RAD9A: variants seen among roughly 807,000 people sequenced by gnomAD.
RAD9A encodes RAD9 checkpoint clamp component A.
In RAD9A, 25 loss-of-function variants were observed where a neutral mutation model predicts 41.2. That is an observed-to-expected ratio of 0.61 (90% CI 0.44 to 0.85). The LOEUF (loss-of-function observed/expected upper bound fraction) is 0.85, where lower values mean the gene tolerates loss of function less well. Among genes scored for constraint, RAD9A ranks in the 40% least tolerant of loss-of-function variants. The pLI is 0.00. For synonymous variants in RAD9A, 252 were observed against 210.6 expected (o/e 1.20, Z -1.70); for missense variants, 514 against 518.3 (o/e 0.99, Z 0.08).
chr11:67,392,913 C>A, intron 3 of RAD9A, 131 bp downstream of exon 3: 1 of 1,248,686 alleles, frequency 8.0e-7, no homozygotes, highest in Non-Finnish European at 1.1e-6. Context: ...ATGCAAAACA[C>A]AGGGAGGGCC....
Position 67,398,383 on chromosome 11 carries a change from G to GAT in RAD9A, c.*825_*826dup. 1 of 761,644 alleles carries GAT rather than the reference G, an allele frequency of 1.3e-6. No individual in the cohort carries two copies. Among genetic ancestry groups the GAT allele is most frequent in the Non-Finnish European group, 2.1e-6 (1 of 480,956 alleles). 47.2% of individuals were successfully genotyped at this position (761,644 alleles called of 1,614,324 possible). A position where few individuals can be genotyped will look rare whatever the true frequency, so the allele number is the denominator to read the frequency against. ...CCCTGGGGGACTGGACGCTGCTATT[G>GAT]ATTCATTAAAAAAAGAAAAGAAAAA... On this transcript the variant is annotated 3_prime_UTR_variant, in exon 11 of 11. Coordinates refer to ENST00000307980, the MANE Select transcript of RAD9A (RefSeq NM_004584.3).
chr11:67,395,945 G>A lies in RAD9A; in HGVS notation c.593G>A (p.Cys198Tyr), dbSNP rs773730063. The change falls in exon 7 of 11, where the codon TGC becomes TAC. Residue 198 changes from cysteine (C) to tyrosine (Y), a missense_variant. By Grantham distance (194) the Cys-to-Tyr change is radical. Transcript: ENST00000307980. ...GCCAAAGCCATGGTGACTGAGATGT[G>A]CCTTGGAGAGGAGGATTTCCAGCAG... is the stretch of plus-strand genomic sequence containing the variant. ...STAKAMVTEMCLGEEDFQQLQ... is the reference protein window; with the variant it reads ...STAKAMVTEMYLGEEDFQQLQ... The A allele has an allele frequency of 6.2e-7, 1 of 1,614,182 alleles. No homozygotes were observed. The highest frequency in any genetic ancestry group is 8.5e-7 in the Non-Finnish European group (1 of 1,180,028).
In RAD9A at chr11:67,396,346, A is replaced by G. The variant is rs139826295; in HGVS notation, c.818A>G (p.Gln273Arg). 2.0e-5 allele frequency: 32 copies of G among 1,613,990 alleles called. No individual in the cohort carries two copies. In the African/African-American group the frequency reaches 4.1e-4, roughly 21 times the overall value. ...CTCTCAGACACCGACTCGCACTCCC[A>G]GGACCTGGGCTCCCCAGAGCGTCAC... Reference protein sequence around the residue: ...ATLSDTDSHSQDLGSPERHQP... With the variant: ...ATLSDTDSHSRDLGSPERHQP... Residue 273 changes from glutamine (Q) to arginine (R), a missense_variant, in exon 9 of 11, where the codon CAG (glutamine) becomes CGG (arginine). By Grantham distance (43) the Gln-to-Arg change is conservative. Transcript: ENST00000307980.
chr11:67,395,551 A>G (rs1213839870), intron 5 of RAD9A, 165 bp from the exon 6 acceptor site: 1 of 613,426 alleles, frequency 1.6e-6, no homozygotes, highest in Non-Finnish European at 2.8e-6. Flanking sequence ...TTGAGCAACC[A>G]CTGCAACCAG....
At position 67,398,326 on chromosome 11, in the gene RAD9A, T is replaced by C; in HGVS notation, c.*767T>C. On this transcript the variant is annotated 3_prime_UTR_variant, in exon 11 of 11. Transcript: ENST00000307980. ...TGCAGCCTCGGCCCCAGGATCCTGCTCACAGTCACCGCAGGTGCAGGCAGG... is the reference window on the plus strand; with the variant it reads ...TGCAGCCTCGGCCCCAGGATCCTGCCCACAGTCACCGCAGGTGCAGGCAGG... The C allele has an allele frequency of 1.7e-6, 1 of 597,314 alleles. No homozygotes were observed. The allele number at this position is 597,314 out of a possible 1,614,324, so 37.0% of individuals were successfully genotyped here.
chr11:67,393,558 C>A lies in RAD9A; in HGVS notation c.297C>A (p.Ile99=), dbSNP rs368405290. Residue 99 remains isoleucine, a synonymous_variant, in exon 4 of 11, where the codon ATC becomes ATA. Transcript: ENST00000307980. The part of the protein sequence containing the change: ...MLEKTVEKCC[I]SLNGRSSRLV... The stretch of plus-strand genomic sequence containing the variant: ...AGAAGACGGTGGAAAAATGCTGCAT[C>A]TCCCTGAATGGCCGGAGCAGCCGCC... The A allele has an allele frequency of 1.1e-5, 17 of 1,614,128 alleles. No homozygotes were observed. The highest frequency in any genetic ancestry group is 2.2e-5 in the South Asian group (2 of 91,094).
Position 67,393,585 on chromosome 11 carries a change from G to C in RAD9A, c.324G>C (p.Leu108=). 6.2e-7 allele frequency: 1 copy of C among 1,614,208 alleles called. No individual in the cohort carries two copies. Among genetic ancestry groups the C allele is most frequent in the Non-Finnish European group, 8.5e-7 (1 of 1,180,030 alleles). Residue 108 remains leucine (L), a synonymous_variant, in exon 4 of 11, where the codon CTG becomes CTC. Coordinates refer to ENST00000307980, the MANE Select transcript of RAD9A (RefSeq NM_004584.3). The part of the protein sequence containing the change: ...CISLNGRSSR[L]VVQLHCKFGV... Reference sequence around the variant, plus strand: ...CCCTGAATGGCCGGAGCAGCCGCCTGGTGGTCCAGCTGCATTGCAAGTTCG... The same window carrying C: ...CCCTGAATGGCCGGAGCAGCCGCCTCGTGGTCCAGCTGCATTGCAAGTTCG...
chr11:67,395,462 T>C (rs992987430), intron 5 of RAD9A, among the ~76,000 whole-genome samples: 1 of 151,986 alleles, frequency 6.6e-6, no homozygotes. Flanking sequence ...GAAGGCCGGG[T>C]TTGTAGGGTG....
rs901134482 is a variant in RAD9A at position 67,392,319 on chromosome 11, A to G, written c.105+88A>G. 4.2e-6 allele frequency: 5 copies of G among 1,185,930 alleles called. No individual in the cohort carries two copies. In the East Asian group the frequency reaches 1.0e-4, roughly 24 times the overall value. 73.5% of individuals were successfully genotyped at this position (1,185,930 alleles called of 1,614,324 possible). A position where few individuals can be genotyped will look rare whatever the true frequency, so the allele number is the denominator to read the frequency against. On this transcript the variant is annotated intron_variant, in intron 2 of 10. Transcript: ENST00000307980. ...AGTCTCGCCCCCACTAGGCGGGATGACCGCTGGCAGATTTGTCGGCAAAGT... is the reference window on the plus strand; with the variant it reads ...AGTCTCGCCCCCACTAGGCGGGATGGCCGCTGGCAGATTTGTCGGCAAAGT...
rs201858277 is a variant in RAD9A at position 67,396,416 on chromosome 11, C to G, written c.872+16C>G. 6 of 1,612,718 alleles carry G rather than the reference C, an allele frequency of 3.7e-6. No homozygotes were observed. In the Admixed American group the frequency reaches 6.7e-5, roughly 18 times the overall value. On this transcript the variant is annotated intron_variant, in intron 9 of 10. Coordinates refer to ENST00000307980, the MANE Select transcript of RAD9A (RefSeq NM_004584.3). ...AGGCTCACAGGTGAGGGCACCTCCCCCCAACTCCTCCTCTCTCCATGTCTG... is the reference window on the plus strand; with the variant it reads ...AGGCTCACAGGTGAGGGCACCTCCCGCCAACTCCTCCTCTCTCCATGTCTG...
chr11:67,393,385 G>T, intron 3 of RAD9A, 111 bp from the exon 4 acceptor site: 1 of 1,486,178 alleles, frequency 6.7e-7, no homozygotes, highest in Non-Finnish European at 9.0e-7. Context: ...TGACGTGGGA[G>T]CCCTTTTCCC....
intron 9 of RAD9A, among the ~76,000 whole-genome samples, 161 bp downstream of exon 9, chr11:67,396,561 G>A (rs1281102293): frequency 6.6e-6 from 1 of 152,120 alleles, no homozygotes; most frequent in Non-Finnish European, 1.5e-5. Flanking sequence ...ACAGCTGCCA[G>A]CCCTGCAGAC....
intron 9 of RAD9A, 146 bp downstream of exon 9, chr11:67,396,546 T>G: frequency 9.7e-7 from 1 of 1,027,588 alleles, no homozygotes; most frequent in Non-Finnish European, 1.4e-6. Context: ...AACCCTATAG[T>G]GCTCACAGCT....
In RAD9A at chr11:67,393,757, C is replaced by T; in HGVS notation, c.416C>T (p.Ala139Val). ...CESLQAVFDP[A>V]SCPHMLRAPA... Reference sequence around the variant, plus strand: ...TCCCTGCAGGCCGTCTTCGACCCAGCCTCGTGCCCCCACATGCTCCGCGCC... The same window carrying T: ...TCCCTGCAGGCCGTCTTCGACCCAGTCTCGTGCCCCCACATGCTCCGCGCC... Residue 139 changes from alanine (A) to valine (V), a missense_variant, in exon 5 of 11, where the codon GCC (alanine) becomes GTC (valine). Physicochemically the swap from Ala to Val is moderately conservative, Grantham distance 64. This residue lies in a region of RAD9A where 268 missense variants were observed against 279.3 expected (regional missense o/e 0.96). Transcript: ENST00000307980. 4 of 1,611,946 alleles carry T rather than the reference C, an allele frequency of 2.5e-6. No individual in the cohort carries two copies. Among genetic ancestry groups the T allele is most frequent in the Non-Finnish European group, 2.5e-6 (3 of 1,179,416 alleles).
chr11:67,395,815 G>A lies in RAD9A; in HGVS notation c.549G>A (p.Glu183=), dbSNP rs1565117555. Residue 183 remains glutamate (E), a synonymous_variant, in exon 6 of 11, where the codon GAG becomes GAA. Transcript: ENST00000307980. ...GRRVILRSYH[E]EEADSTAKAM... is the part of the protein sequence containing the mutation. ...GGGTCATCCTGCGCAGCTACCACGAGGAGGAGGCAGGTGAGGGGGCTGGAC... is the reference window on the plus strand; with the variant it reads ...GGGTCATCCTGCGCAGCTACCACGAAGAGGAGGCAGGTGAGGGGGCTGGAC... The A allele has an allele frequency of 2.5e-6, 4 of 1,611,008 alleles. No homozygotes were observed. Among genetic ancestry groups the A allele is most frequent in the South Asian group, 2.2e-5 (2 of 90,806 alleles).
At chr11:67,393,229 G>A (rs1396405437) in intron 3 of RAD9A, 2 of 1,054,016 alleles carry the variant, frequency 1.9e-6, no homozygotes, top group Non-Finnish European at 2.4e-6. Context: ...GCAGTGAGCT[G>A]AGATCGCACC....
rs1372588308 is a variant in RAD9A at position 67,397,341 on chromosome 11, T to G, written c.1035T>G (p.Asp345Glu). ...KSPGPHSEEE[D>E]EAEPSTVPGT... ...CCGGTCCCCACTCCGAGGAGGAAGA[T>G]GAGGCTGAGCCCAGTACAGTGCCTG... is the stretch of plus-strand genomic sequence containing the variant. The change falls in exon 10 of 11, where the codon GAT becomes GAG. Residue 345 changes from aspartate (D) to glutamate (E), a missense_variant. By Grantham distance (45) the Asp-to-Glu change is conservative. Transcript: ENST00000307980. 4 of 1,589,836 alleles carry G rather than the reference T, an allele frequency of 2.5e-6. No individual in the cohort carries two copies. Among genetic ancestry groups the G allele is most frequent in the Non-Finnish European group, 2.6e-6 (3 of 1,169,294 alleles).
At chr11:67,394,905 C>T (rs1173011897) in intron 5 of RAD9A, among the ~76,000 whole-genome samples, 3 of 151,966 alleles carry the variant, frequency 2.0e-5, no homozygotes, top group Non-Finnish European at 4.4e-5. Flanking sequence ...CGTCAGCCAC[C>T]ACACTCAGTC....
At chr11:67,395,229 G>GT (rs201554160) in intron 5 of RAD9A, 248 of 154,512 alleles carry the variant, frequency 1.6e-3, no homozygotes, top group African/African-American at 4.3e-3. Flanking sequence ...ATGAGCCACT[G>GT]TTTTTTTTTA....
Sources: allele counts gnomAD v4.1 joint callset (sites outside exome capture counted in the v4.1 genomes callset), GRCh38; gene constraint gnomAD v4.1.1; regional missense constraint gnomAD v4.1.1; transcripts MANE v1.5; gene names NCBI Gene and HGNC (gene_info 2026-07-23, HGNC 2026-07-21).